Variants in FAM193A observed in about 807,000 individuals in gnomAD.
The protein encoded by FAM193A is protein FAM193A.
FAM193A carries 22 observed loss-of-function variants against 126.5 expected under a neutral mutation model. The ratio of observed to expected loss-of-function variants is 0.17; its 90% CI spans 0.12 to 0.25. The LOEUF (loss-of-function observed/expected upper bound fraction) is 0.25, where lower values mean the gene tolerates loss of function less well. Among genes scored for constraint, FAM193A ranks in the 10% least tolerant of loss-of-function variants. The pLI, the probability that FAM193A is intolerant of heterozygous loss-of-function variation, is 1.00. For missense variants in FAM193A, 1,675 were observed against 1,672.8 expected, an observed-to-expected ratio of 1.00 and a Z score of -0.02; for synonymous variants, 761 against 646.8, an observed-to-expected ratio of 1.18 and a Z score of -2.68.
Position 2,693,978 on chromosome 4 carries a change from G to A in FAM193A, c.3092+104G>A, listed in dbSNP as rs921898676. ...TCCCCTGGGACCATGCAGTGGAAAA[G>A]TCTAGTGAAATGCCGAGGGAATGCA... On this transcript the variant is annotated intron_variant, in intron 16 of 20. Transcript: ENST00000637812. 3 of 1,259,180 alleles carry A rather than the reference G, an allele frequency of 2.4e-6. No individual in the cohort carries two copies. In the African/African-American group the frequency reaches 4.5e-5, roughly 19 times the overall value. The allele number at this position is 1,259,180 out of a possible 1,614,324, so 78.0% of individuals were successfully genotyped here.
intron 7 of FAM193A, among the ~76,000 whole-genome samples, chr4:2,648,283 G>A (rs527268831): frequency 6.6e-6 from 1 of 152,164 alleles, no homozygotes; most frequent in Non-Finnish European, 1.5e-5. Flanking sequence ...TCTTAGGGCA[G>A]GTGGCCCTGA....
chr4:2,713,411 C>G (rs13122925), intron 19 of FAM193A, among the ~76,000 whole-genome samples: 5,026 of 151,114 alleles, frequency 0.033, 96 homozygotes, highest in South Asian at 0.071. Context: ...TATCAGAAAA[C>G]AAAAAAAAAT....
At position 2,662,895 on chromosome 4, in the gene FAM193A, A is replaced by G; in HGVS notation, c.1803A>G (p.Pro601=). 2 of 1,613,200 alleles carry G rather than the reference A, an allele frequency of 1.2e-6. No individual in the cohort carries two copies. Among genetic ancestry groups the G allele is most frequent in the Non-Finnish European group, 1.7e-6 (2 of 1,179,288 alleles). ...CAGCCAAATTTGCTGATATTTATCC[A>G]TTGAGTAATTATGATGATACCGAGG... ...PLSAKFADIY[P]LSNYDDTEVV... is the part of the protein sequence containing the mutation. The change falls in exon 11 of 21, where the codon CCA becomes CCG. Residue 601 remains proline (P), a synonymous_variant. Coordinates refer to ENST00000637812, the MANE Select transcript of FAM193A (RefSeq NM_001366318.2).
chr4:2,635,905 CT>C (rs1744040843), intron 5 of FAM193A, among the ~76,000 whole-genome samples: 1 of 152,076 alleles, frequency 6.6e-6, no homozygotes, highest in South Asian at 2.1e-4. Flanking sequence ...CAGTGGGAGT[CT>C]CATCTGCATT....
intron 13 of FAM193A, among the ~76,000 whole-genome samples, chr4:2,684,425 GT>G (rs112777362): frequency 1.1e-4 from 16 of 146,230 alleles, no homozygotes; most frequent in African/African-American, 2.8e-4. Flanking sequence ...CTTGTTCCTT[GT>G]TTTTTTTTTC....
chr4:2,672,322 C>A lies in FAM193A; in HGVS notation c.2281C>A (p.Pro761Thr). ...PLHTVPHLPR[P>T]LIHPTLYATP... is the part of the protein sequence containing the mutation. ...GCACACTGTTCCACACCTGCCACGC[C>A]CTCTCATCCACCCCACCTTGTATGC... is the stretch of plus-strand genomic sequence containing the variant. Residue 761 changes from proline to threonine, a missense_variant, in exon 13 of 21, where the codon CCT (proline) becomes ACT (threonine). Physicochemically the swap from Pro to Thr is conservative, Grantham distance 38 (BLOSUM62 -1). This residue lies in a region of FAM193A where 1,186 missense variants were observed against 1,109.2 expected (regional missense o/e 1.07). Coordinates refer to ENST00000637812, the MANE Select transcript of FAM193A (RefSeq NM_001366318.2). The A allele has an allele frequency of 6.2e-7, 1 of 1,614,196 alleles. No individual in the cohort carries two copies. Among genetic ancestry groups the A allele is most frequent in the Non-Finnish European group, 8.5e-7 (1 of 1,180,036 alleles).
rs1329505438 is a variant in FAM193A at position 2,548,279 on chromosome 4, C to T, written c.255+11109C>T. 4.0e-5 allele frequency among the ~76,000 whole-genome samples: 6 copies of T among 151,838 alleles called. No individual in the cohort carries two copies. In the South Asian group the frequency reaches 1.2e-3, roughly 31 times the overall value. ...AGAGATGGGGCTTCACCATGTTGGC[C>T]AGACTGGTCTTGAACTCCTGACCTC... On this transcript the variant is annotated intron_variant, in intron 1 of 20. Transcript: ENST00000637812.
At position 2,577,438 on chromosome 4, in the gene FAM193A, A is replaced by ATTTTT. The variant is rs1560455674; in HGVS notation, c.256-18646_256-18645insTTTTT. 9.7e-5 allele frequency among the ~76,000 whole-genome samples: 6 copies of ATTTTT among 61,786 alleles called. No homozygotes were observed. The East Asian group carries it at 2.8e-3, about 28-fold the overall frequency. The allele number at this position is 61,786 out of a possible 152,430, so 40.5% of individuals were successfully genotyped here. Reference sequence around the variant, plus strand: ...TTTTTTTTTGTTTTTTTTTTTTTTGAGACAGAGTCTCAGTCTGTCACTCAA... The same window carrying ATTTTT: ...TTTTTTTTTGTTTTTTTTTTTTTTGATTTTTGACAGAGTCTCAGTCTGTCACTCAA... On this transcript the variant is annotated intron_variant, in intron 1 of 20. Transcript: ENST00000637812.
At chr4:2,711,960 T>C (rs1158689891) in intron 19 of FAM193A, among the ~76,000 whole-genome samples, 7 of 152,110 alleles carry the variant, frequency 4.6e-5, no homozygotes, top group Non-Finnish European at 8.8e-5. Flanking sequence ...TCCATGCGTC[T>C]TTTTTCTTTC....
chr4:2,629,988 C>T (rs80300623), intron 4 of FAM193A, among the ~76,000 whole-genome samples: 2 of 152,000 alleles, frequency 1.3e-5, no homozygotes, highest in East Asian at 3.9e-4. Flanking sequence ...AAAAATTAGC[C>T]GGGCGTGGTG....
intron 5 of FAM193A, among the ~76,000 whole-genome samples, chr4:2,635,420 G>A (rs1743992554): frequency 6.6e-6 from 1 of 151,972 alleles, no homozygotes; most frequent in Admixed American, 6.5e-5. Context: ...AATGCTTATT[G>A]TCATTTTAAA....
At chr4:2,536,164 AGGCGGGCGG>A (rs1173510676), upstream of FAM193A, among the ~76,000 whole-genome samples, 3 of 150,582 alleles carry the variant, frequency 2.0e-5, no homozygotes, top group Admixed American at 6.6e-5. Flanking sequence ...GGCGCGGGCG[AGGCGGGCGG>A]GGCGGGCGGG....
chr4:2,604,906 T>C (rs899034480), intron 2 of FAM193A, among the ~76,000 whole-genome samples: 1 of 147,284 alleles, frequency 6.8e-6, no homozygotes, highest in Admixed American at 6.8e-5. Context: ...CAAGTGATTC[T>C]CCCAGCTTAG....
At chr4:2,626,288 T>C (rs1577092936) in intron 3 of FAM193A, 122 bp from the exon 4 acceptor site, 2 of 625,302 alleles carry the variant, frequency 3.2e-6, no homozygotes, top group East Asian at 2.8e-5. Context: ...AGCAGCCTGA[T>C]TGCCGGCTCC....
At chr4:2,705,861 C>T (rs35030132) in intron 19 of FAM193A, among the ~76,000 whole-genome samples, 78,904 of 151,816 alleles carry the variant, frequency 0.52, 20,964 homozygotes, top group Admixed American at 0.64. Flanking sequence ...GTGCTGGGAT[C>T]ACAGACGTGA....
chr4:2,651,821 C>T (rs1304808549), intron 7 of FAM193A, among the ~76,000 whole-genome samples: 2 of 152,202 alleles, frequency 1.3e-5, no homozygotes, highest in Non-Finnish European at 2.9e-5. Flanking sequence ...AGGTTGCTGG[C>T]CTGAGTCGTC....
In FAM193A at chr4:2,717,172, G is replaced by A. The variant is rs536357210; in HGVS notation, c.4454+1068G>A. Among the ~76,000 whole-genome samples the A allele has an allele frequency of 2.0e-5, 3 of 152,068 alleles. No individual in the cohort carries two copies. In the East Asian group the frequency reaches 5.8e-4, roughly 29 times the overall value. On this transcript the variant is annotated intron_variant, in intron 20 of 20. Transcript: ENST00000637812. ...TTTTTGTATTTTTGGTGGAAACAGG[G>A]TTTTGCTATGTTGGCCAGGCAGGTC...
At position 2,625,519 on chromosome 4, in the gene FAM193A, C is replaced by T. The variant is rs144472889; in HGVS notation, c.635+124C>T. 1.3e-3 allele frequency: 652 copies of T among 514,066 alleles called. 9 individuals are homozygous for T. In the East Asian group the frequency reaches 0.018, roughly 14 times the overall value. 31.8% of individuals were successfully genotyped at this position (514,066 alleles called of 1,614,324 possible). A position where few individuals can be genotyped will look rare whatever the true frequency, so the allele number is the denominator to read the frequency against. ...AGCAACAAGAGTAAGGCAGTTGCTT[C>T]GCTATTGAGAGAAAGAACCATATGA... On this transcript the variant is annotated intron_variant, in intron 3 of 20. Coordinates refer to ENST00000637812, the MANE Select transcript of FAM193A (RefSeq NM_001366318.2).
chr4:2,713,744 C>T (rs1719251204), intron 19 of FAM193A, among the ~76,000 whole-genome samples: 2 of 152,208 alleles, frequency 1.3e-5, no homozygotes, highest in Admixed American at 1.3e-4. Flanking sequence ...TGAGTGTTCC[C>T]AGGTGTCTTC....
Sources: gnomAD v4.1 joint callset for allele counts (sites outside exome capture counted in the v4.1 genomes callset) on GRCh38, gnomAD v4.1.1 for gene constraint, gnomAD v4.1.1 regional missense constraint, MANE v1.5 for transcripts, NCBI Gene and HGNC (gene_info 2026-07-23, HGNC 2026-07-21) for gene names.